The following GFOD1 variants were observed in gnomAD, a reference collection of about 807,000 sequenced individuals.
GFOD1 encodes Gfo/Idh/MocA-like oxidoreductase domain containing 1.
A neutral mutation model predicts 25.4 loss-of-function variants in GFOD1; 9 were observed. The observed-to-expected ratio is 0.35, with a 90% CI of 0.21 to 0.62. The LOEUF (loss-of-function observed/expected upper bound fraction) is 0.62, where lower values mean the gene tolerates loss of function less well. GFOD1 is among the 20% of genes least tolerant of loss of function. The pLI, the probability that GFOD1 is intolerant of heterozygous loss-of-function variation, is 0.72. For synonymous variants in GFOD1, 253 were observed against 245.6 expected (o/e 1.03, Z -0.28); for missense variants, 403 against 556.9 (o/e 0.72, Z 2.78).
chr6:13,410,328 G>A (rs1191319674), intron 1 of GFOD1, among the ~76,000 whole-genome samples: 1 of 152,148 alleles, frequency 6.6e-6, no homozygotes, highest in Non-Finnish European at 1.5e-5. Flanking sequence ...GAAGGTTTGG[G>A]AGGCCAAGAT....
intron 1 of GFOD1, chr6:13,408,159 A>C: frequency 1.8e-5 from 16 of 909,440 alleles, no homozygotes; most frequent in Non-Finnish European, 1.8e-5. Flanking sequence ...TCTCCAGCTC[A>C]GGCAATAGCC....
At chr6:13,395,584 G>C (rs1465319353) in intron 1 of GFOD1, among the ~76,000 whole-genome samples, 1 of 152,208 alleles carries the variant, frequency 6.6e-6, no homozygotes, top group Non-Finnish European at 1.5e-5. Context: ...AGCTCTCGGG[G>C]CTCCAGCTTC....
chr6:13,365,433 G>C lies in GFOD1; in HGVS notation c.483C>G (p.Asn161Lys). Reference protein sequence around the residue: ...HGGSLLGKKYNWSCDDLMGGG... With the variant: ...HGGSLLGKKYKWSCDDLMGGG... Reference sequence around the variant, plus strand: ...CGCCCATCAAGTCGTCGCAGCTCCAGTTGTACTTCTTGCCCAGCAGGCTGC... The same window carrying C: ...CGCCCATCAAGTCGTCGCAGCTCCACTTGTACTTCTTGCCCAGCAGGCTGC... The change falls in exon 2 of 2, where the codon AAC (asparagine) becomes AAG (lysine). Residue 161 changes from asparagine (N) to lysine (K), a missense_variant. Physicochemically the swap from Asn to Lys is moderately conservative, Grantham distance 94. Transcript: ENST00000379287. This position sits in a 1 kb window ranked among gnomAD's most constrained non-coding sequence, Gnocchi z 9.2. 1 of 1,613,962 alleles carries C rather than the reference G, an allele frequency of 6.2e-7. No homozygotes were observed. The highest frequency in any genetic ancestry group is 8.5e-7 in the Non-Finnish European group (1 of 1,180,022).
rs759827691 is a variant in GFOD1 at position 13,365,238 on chromosome 6, C to T, written c.678G>A (p.Val226=). 2 of 1,614,196 alleles carry T rather than the reference C, an allele frequency of 1.2e-6. No homozygotes were observed. Among genetic ancestry groups the T allele is most frequent in the South Asian group, 2.2e-5 (2 of 91,086 alleles). The change falls in exon 2 of 2, where the codon GTG becomes GTA. Residue 226 remains valine (V), a synonymous_variant. Coordinates refer to ENST00000379287, the MANE Select transcript of GFOD1 (RefSeq NM_018988.4). The surrounding 1 kb of genome is among the most constrained non-coding windows in gnomAD (Gnocchi z 9.2). ...CGGTGCAGCACACCCCGCCCTCCAG[C>T]ACCATCTGGAAGGTGCAGAAGTCAT... is the stretch of plus-strand genomic sequence containing the variant. ...TSDDFCTFQM[V]LEGGVCCTVT...
Position 13,364,688 on chromosome 6 carries a change from C to T in GFOD1, c.*55G>A. 6.8e-7 allele frequency: 1 copy of T among 1,469,772 alleles called. No individual in the cohort carries two copies. Among genetic ancestry groups the T allele is most frequent in the Non-Finnish European group, 9.3e-7 (1 of 1,072,276 alleles). The allele number at this position is 1,469,772 out of a possible 1,614,324, so 91.0% of individuals were successfully genotyped here. ...GTCACCCTCTCCCCTCGGCCCTTCC[C>T]TCTCTGTGGACATCCCCTGCAGAAG... On this transcript the variant is annotated 3_prime_UTR_variant, in exon 2 of 2. Coordinates refer to ENST00000379287, the MANE Select transcript of GFOD1 (RefSeq NM_018988.4). This position sits in a 1 kb window ranked among gnomAD's most constrained non-coding sequence, Gnocchi z 4.1.
At chr6:13,374,026 C>A (rs1020545425) in intron 1 of GFOD1, among the ~76,000 whole-genome samples, 1 of 152,126 alleles carries the variant, frequency 6.6e-6, no homozygotes. Context: ...CAACAACAGT[C>A]ATTTATTGAG....
intron 1 of GFOD1, among the ~76,000 whole-genome samples, chr6:13,408,655 T>C (rs563844843): frequency 6.6e-6 from 1 of 152,180 alleles, no homozygotes; most frequent in Non-Finnish European, 1.5e-5. Flanking sequence ...CGATTTCATG[T>C]CCGAAGGTAC....
chr6:13,467,981 A>C (rs973780726), intron 1 of GFOD1, among the ~76,000 whole-genome samples: 1 of 152,234 alleles, frequency 6.6e-6, no homozygotes, highest in African/African-American at 2.4e-5. Context: ...GTCCAGAGCC[A>C]AAGGATCACA....
chr6:13,434,308 G>A (rs1039842272), intron 1 of GFOD1, among the ~76,000 whole-genome samples: 14 of 149,298 alleles, frequency 9.4e-5, no homozygotes, highest in Admixed American at 2.0e-4. Context: ...TGGGAACACA[G>A]AAATCAAGTG....
At chr6:13,374,547 C>T (rs954718349) in intron 1 of GFOD1, among the ~76,000 whole-genome samples, 2 of 151,876 alleles carry the variant, frequency 1.3e-5, no homozygotes, top group African/African-American at 4.8e-5. Flanking sequence ...CTCAAGTGAT[C>T]TGCCTGTCTC....
At chr6:13,376,748 A>G (rs996507931) in intron 1 of GFOD1, among the ~76,000 whole-genome samples, 1 of 152,208 alleles carries the variant, frequency 6.6e-6, no homozygotes, top group African/African-American at 2.4e-5. Context: ...TCTCTTCCCA[A>G]GCATGGCGTG....
At chr6:13,455,936 C>A (rs1400335446) in intron 1 of GFOD1, among the ~76,000 whole-genome samples, 2 of 152,196 alleles carry the variant, frequency 1.3e-5, no homozygotes, top group Non-Finnish European at 2.9e-5. Flanking sequence ...TAGAGGCATA[C>A]CTCTGTCTTG....
At chr6:13,475,016 A>C (rs138138531) in intron 1 of GFOD1, among the ~76,000 whole-genome samples, 2 of 152,342 alleles carry the variant, frequency 1.3e-5, no homozygotes, top group African/African-American at 4.8e-5. Context: ...ACCAAAAACA[A>C]AAACTCTACG....
At chr6:13,455,750 T>G (rs1428301345) in intron 1 of GFOD1, among the ~76,000 whole-genome samples, 1 of 152,192 alleles carries the variant, frequency 6.6e-6, no homozygotes, top group East Asian at 1.9e-4. Context: ...GAAGGTCACC[T>G]TGCCCCATGA....
At chr6:13,415,687 A>G (rs1786151892) in intron 1 of GFOD1, among the ~76,000 whole-genome samples, 2 of 152,170 alleles carry the variant, frequency 1.3e-5, no homozygotes, top group East Asian at 1.9e-4. Context: ...GACCTCTTCA[A>G]TGGTCCACTT....
At chr6:13,421,717 T>A (rs555566722) in intron 1 of GFOD1, among the ~76,000 whole-genome samples, 1 of 151,996 alleles carries the variant, frequency 6.6e-6, no homozygotes, top group South Asian at 2.1e-4. Context: ...TGTAATTCGA[T>A]CAGCATTTTT....
At position 13,417,129 on chromosome 6, in the gene GFOD1, G is replaced by T. The variant is rs142988411; in HGVS notation, c.254-51467C>A. ...GTGCTAAGTGAGAAGCACATGCTAA[G>T]TTATTCTGTACTCTAGAGAACTCTA... On this transcript the variant is annotated intron_variant, in intron 1 of 1. Transcript: ENST00000379287. Among the ~76,000 whole-genome samples the T allele has an allele frequency of 3.7e-4, 57 of 152,334 alleles. 1 individual carries two copies. Among genetic ancestry groups the T allele is most frequent in the Admixed American group, 6.5e-4 (10 of 15,302 alleles).
chr6:13,384,722 A>T (rs6903516), intron 1 of GFOD1, among the ~76,000 whole-genome samples: 8,475 of 152,256 alleles, frequency 0.056, 461 homozygotes, highest in African/African-American at 0.14. Context: ...GGAGGCAGAG[A>T]TGCGCACAGT....
intron 1 of GFOD1, among the ~76,000 whole-genome samples, chr6:13,473,947 C>T (rs1758562071): frequency 6.6e-6 from 1 of 152,160 alleles, no homozygotes; most frequent in East Asian, 1.9e-4. Context: ...GCTCATGTTC[C>T]CTACTCAACA....
Sources: gnomAD v4.1 joint callset for allele counts (sites outside exome capture counted in the v4.1 genomes callset) on GRCh38, gnomAD v4.1.1 for gene constraint, Gnocchi (gnomAD v3.1) non-coding constraint, MANE v1.5 for transcripts, NCBI Gene and HGNC (gene_info 2026-07-23, HGNC 2026-07-21) for gene names.